Variants in COMMD10 observed in about 807,000 individuals in gnomAD.
COMMD10 encodes COMM domain containing 10.
A neutral mutation model predicts 28.9 loss-of-function variants in COMMD10; 33 were observed. That is an observed-to-expected ratio of 1.14 (90% confidence interval 0.87 to 1.53). COMMD10 has a LOEUF of 1.53. COMMD10 is among the 40% of genes most tolerant of loss of function. The pLI, the probability that COMMD10 is intolerant of heterozygous loss-of-function variation, is 0.00. For missense variants in COMMD10, 310 were observed against 233.4 expected (o/e 1.33, Z -2.14); for synonymous variants, 110 against 81.7 (o/e 1.35, Z -1.87).
At chr5:116,122,744 T>C (rs1160483133) in intron 4 of COMMD10, among the ~76,000 whole-genome samples, 3 of 152,204 alleles carry the variant, frequency 2.0e-5, no homozygotes, top group Non-Finnish European at 4.4e-5. Flanking sequence ...TTTGAAGCAA[T>C]TGTGAATGGG....
chr5:116,111,997 A>G (rs1751059924), intron 4 of COMMD10, among the ~76,000 whole-genome samples: 1 of 152,130 alleles, frequency 6.6e-6, no homozygotes, highest in East Asian at 1.9e-4. Context: ...TGTAGAACTG[A>G]CACCTTTAAT....
chr5:116,225,060 T>A (rs761597240), intron 5 of COMMD10, among the ~76,000 whole-genome samples: 5 of 152,142 alleles, frequency 3.3e-5, no homozygotes, highest in Non-Finnish European at 7.3e-5. Flanking sequence ...TACTGATTCT[T>A]TTGCCATTTC....
At chr5:116,091,673 G>T (rs1219372611) in intron 3 of COMMD10, among the ~76,000 whole-genome samples, 1 of 151,936 alleles carries the variant, frequency 6.6e-6, no homozygotes, top group East Asian at 1.9e-4. Flanking sequence ...AAAATCCTTG[G>T]CTCATCACAG....
intron 5 of COMMD10, among the ~76,000 whole-genome samples, chr5:116,277,067 T>C (rs551648652): frequency 6.6e-6 from 1 of 151,840 alleles, no homozygotes; most frequent in Non-Finnish European, 1.5e-5. Flanking sequence ...CCAAAAAATA[T>C]AAGTTAAATT....
At chr5:116,135,152 A>G (rs78854179) in intron 5 of COMMD10, among the ~76,000 whole-genome samples, 3,151 of 152,270 alleles carry the variant, frequency 0.021, 104 homozygotes, top group African/African-American at 0.07. Context: ...AGATAAGACT[A>G]TCTCATCTTA....
At chr5:116,256,965 A>T (rs1195177307) in intron 5 of COMMD10, among the ~76,000 whole-genome samples, 3 of 151,820 alleles carry the variant, frequency 2.0e-5, no homozygotes, top group South Asian at 4.1e-4. Flanking sequence ...AGTGAAAAAA[A>T]TGAGTTCAGA....
intron 3 of COMMD10, 31 bp from the exon 4 acceptor site, chr5:116,092,514 A>G: frequency 1.3e-6 from 2 of 1,501,174 alleles, no homozygotes; most frequent in Non-Finnish European, 1.8e-6. Context: ...AAGATGAGGG[A>G]CATATGTAAT....
rs192800668 is a variant in COMMD10 at position 116,160,992 on chromosome 5, A to T, written c.510+26814A>T. On this transcript the variant is annotated intron_variant, in intron 5 of 6. Transcript: ENST00000274458. ...TTTTTTTCATGTTAATATCATTTTTAAAAAAATAATACTGATGGTAAATAG... is the reference window on the plus strand; with the variant it reads ...TTTTTTTCATGTTAATATCATTTTTTAAAAAATAATACTGATGGTAAATAG... 5.3e-3 allele frequency among the ~76,000 whole-genome samples: 811 copies of T among 152,170 alleles called. 1 individual carries two copies. The highest frequency in any genetic ancestry group is 0.01 in the East Asian group (52 of 5,182).
intron 5 of COMMD10, among the ~76,000 whole-genome samples, chr5:116,234,494 G>A (rs1749609133): frequency 6.6e-6 from 1 of 152,134 alleles, no homozygotes; most frequent in Admixed American, 6.5e-5. Context: ...AATGCATATG[G>A]CTTTGAAGAT....
intron 5 of COMMD10, chr5:116,255,826 TAA>T (rs1750268696): frequency 6.6e-6 from 1 of 151,238 alleles, no homozygotes; most frequent in Non-Finnish European, 1.5e-5. Context: ...CTGTAAGCCA[TAA>T]AGAGTATTTT....
chr5:116,272,256 T>C (rs1750779632), intron 5 of COMMD10, among the ~76,000 whole-genome samples: 1 of 151,814 alleles, frequency 6.6e-6, no homozygotes, highest in South Asian at 2.1e-4. Flanking sequence ...TTTATAGATA[T>C]TTTTAAGATC....
At chr5:116,222,839 A>G (rs1239812951) in intron 5 of COMMD10, among the ~76,000 whole-genome samples, 2 of 151,956 alleles carry the variant, frequency 1.3e-5, no homozygotes, top group Non-Finnish European at 2.9e-5. Context: ...CTACAGTTAC[A>G]TGCCACCACG....
chr5:116,247,465 G>T (rs1749983761), intron 5 of COMMD10, among the ~76,000 whole-genome samples: 1 of 152,006 alleles, frequency 6.6e-6, no homozygotes, highest in South Asian at 2.1e-4. Flanking sequence ...TCTCATTGCT[G>T]GGTATATACC....
chr5:116,142,082 G>C (rs1033384087), intron 5 of COMMD10, among the ~76,000 whole-genome samples: 2 of 151,786 alleles, frequency 1.3e-5, no homozygotes, highest in African/African-American at 2.4e-5. Flanking sequence ...TTACCACAAA[G>C]ATGCAGGTAA....
At chr5:116,087,721 T>C (rs1360852189) in intron 2 of COMMD10, 134 bp downstream of exon 2, 1 of 629,558 alleles carries the variant, frequency 1.6e-6, no homozygotes, top group Non-Finnish European at 2.8e-6. Context: ...GTGGAAGATT[T>C]GGTAATGTTT....
chr5:116,126,233 C>A (rs1751632878), intron 4 of COMMD10, among the ~76,000 whole-genome samples: 1 of 152,144 alleles, frequency 6.6e-6, no homozygotes, highest in Non-Finnish European at 1.5e-5. Context: ...TGAAGGACCT[C>A]TTCAAGGAGA....
chr5:116,153,484 A>G (rs1561634551), intron 5 of COMMD10, among the ~76,000 whole-genome samples: 2 of 152,114 alleles, frequency 1.3e-5, no homozygotes, highest in African/African-American at 4.8e-5. Flanking sequence ...AGCACACAGT[A>G]ATCATCATAC....
chr5:116,111,346 T>C (rs2112737038), intron 4 of COMMD10, among the ~76,000 whole-genome samples: 1 of 152,292 alleles, frequency 6.6e-6, no homozygotes, highest in African/African-American at 2.4e-5. Flanking sequence ...CTAGTTCCTT[T>C]AGATGTATTG....
chr5:116,261,888 C>T (rs1561397902), intron 5 of COMMD10, among the ~76,000 whole-genome samples: 1 of 151,678 alleles, frequency 6.6e-6, no homozygotes, highest in East Asian at 1.9e-4. Context: ...AATATTTTTT[C>T]CCTTTAGTTT....
Sources: gnomAD v4.1 joint callset for allele counts (sites outside exome capture counted in the v4.1 genomes callset) on GRCh38, gnomAD v4.1.1 for gene constraint, MANE v1.5 for transcripts, NCBI Gene and HGNC (gene_info 2026-07-23, HGNC 2026-07-21) for gene names.